RNF220: variants seen among roughly 807,000 people sequenced by gnomAD.
The protein encoded by RNF220 is E3 ubiquitin-protein ligase RNF220.
In RNF220, 7 loss-of-function variants were observed where a neutral mutation model predicts 67.1. That is an observed-to-expected ratio of 0.10 (90% CI 0.06 to 0.20). The LOEUF (loss-of-function observed/expected upper bound fraction) is 0.20. Among genes scored for constraint, RNF220 ranks in the 10% least tolerant of loss-of-function variants. The pLI, the probability that RNF220 is intolerant of heterozygous loss-of-function variation, is 1.00. For synonymous variants in RNF220, 270 were observed against 283.2 expected, an observed-to-expected ratio of 0.95 and a Z score of 0.47; for missense variants, 565 against 740.3, an observed-to-expected ratio of 0.76 and a Z score of 2.75.
chr1:44,562,210 C>T (rs763811014), intron 2 of RNF220, among the ~76,000 whole-genome samples: 10 of 152,180 alleles, frequency 6.6e-5, no homozygotes, highest in East Asian at 1.9e-4. Flanking sequence ...GAGGTCTGAA[C>T]GTAGTTTGGC....
At chr1:44,509,897 A>AAAAAAAAAAAG (rs1291793164) in intron 2 of RNF220, among the ~76,000 whole-genome samples, 1 of 149,374 alleles carries the variant, frequency 6.7e-6, no homozygotes, top group African/African-American at 2.5e-5. Context: ...AAAAAAAAAA[A>AAAAAAAAAAAG]AAAAAAAAAG....
intron 2 of RNF220, among the ~76,000 whole-genome samples, chr1:44,458,508 G>A (rs1006273471): frequency 2.6e-5 from 4 of 152,068 alleles, no homozygotes; most frequent in Middle Eastern, 6.8e-3. Flanking sequence ...GGATGAAATG[G>A]CTATTTTATA....
intron 2 of RNF220, among the ~76,000 whole-genome samples, chr1:44,557,207 A>G (rs1423399425): frequency 1.4e-5 from 2 of 147,122 alleles, no homozygotes; most frequent in Non-Finnish European, 3.0e-5. Context: ...ATATATATAT[A>G]TATAAGCTTC....
At chr1:44,484,198 G>A (rs1450650590) in intron 2 of RNF220, among the ~76,000 whole-genome samples, 2 of 152,108 alleles carry the variant, frequency 1.3e-5, no homozygotes, top group Non-Finnish European at 2.9e-5. Context: ...TTCAGGTTGA[G>A]CCGTCCCCTA....
At chr1:44,493,842 T>C (rs144194681) in intron 2 of RNF220, among the ~76,000 whole-genome samples, 1 of 152,082 alleles carries the variant, frequency 6.6e-6, no homozygotes, top group Non-Finnish European at 1.5e-5. Context: ...ATAAAATTAT[T>C]GAATTTTATG....
At chr1:44,522,664 G>A (rs1054560959) in intron 2 of RNF220, among the ~76,000 whole-genome samples, 7 of 152,078 alleles carry the variant, frequency 4.6e-5, no homozygotes, top group Non-Finnish European at 7.4e-5. Flanking sequence ...GGGGGGGCGG[G>A]GGGACCTTCT....
chr1:44,552,791 G>A (rs936896003), intron 2 of RNF220, among the ~76,000 whole-genome samples: 8 of 151,708 alleles, frequency 5.3e-5, no homozygotes, highest in East Asian at 2.0e-4. Context: ...GGATGGCCTC[G>A]ATCTCTTGAC....
chr1:44,578,720 C>G (rs752609782), intron 2 of RNF220, among the ~76,000 whole-genome samples: 2 of 152,242 alleles, frequency 1.3e-5, no homozygotes, highest in Non-Finnish European at 2.9e-5. Context: ...GACCACAGAC[C>G]CTGATAGTTT....
intron 2 of RNF220, among the ~76,000 whole-genome samples, chr1:44,494,804 C>CA (rs1390931222): frequency 1.3e-5 from 2 of 151,992 alleles, no homozygotes; most frequent in Non-Finnish European, 2.9e-5. Flanking sequence ...TATTACCTAT[C>CA]AAAAAAAGTA....
chr1:44,451,052 G>A lies in RNF220; in HGVS notation c.625+38330G>A, dbSNP rs187498922. 5.9e-5 allele frequency among the ~76,000 whole-genome samples: 9 copies of A among 151,990 alleles called. No homozygotes were observed. In the South Asian group the frequency reaches 8.3e-4, roughly 14 times the overall value. On this transcript the variant is annotated intron_variant, in intron 2 of 14. Transcript: ENST00000361799. ...CAAAAAATTAGCGGGGCGTGGTGGC[G>A]GGCACCTGTAGTCCCAGCTACTCAG...
chr1:44,433,968 T>A (rs143733781), intron 2 of RNF220, among the ~76,000 whole-genome samples: 1 of 151,882 alleles, frequency 6.6e-6, no homozygotes, highest in East Asian at 1.9e-4. Flanking sequence ...TCTTAAAAAA[T>A]AAAATAAAAT....
intron 2 of RNF220, among the ~76,000 whole-genome samples, chr1:44,589,581 T>C (rs1665967829): frequency 7.4e-6 from 1 of 135,822 alleles, no homozygotes; most frequent in Non-Finnish European, 1.5e-5. Flanking sequence ...GCCACTGCAC[T>C]CCAGCCTGGG....
At chr1:44,455,266 C>T (rs1388175818) in intron 2 of RNF220, among the ~76,000 whole-genome samples, 1 of 152,048 alleles carries the variant, frequency 6.6e-6, no homozygotes, top group Non-Finnish European at 1.5e-5. Flanking sequence ...CACCAAAATG[C>T]CTCAAGCACA....
In RNF220 at chr1:44,596,514, G is replaced by A. The variant is rs569759953; in HGVS notation, c.626-17651G>A. Among the ~76,000 whole-genome samples, 4 of 151,748 alleles carry A rather than the reference G, an allele frequency of 2.6e-5. No individual in the cohort carries two copies. The East Asian group carries it at 5.8e-4, about 22-fold the overall frequency. On this transcript the variant is annotated intron_variant, in intron 2 of 14. Coordinates refer to ENST00000361799, the MANE Select transcript of RNF220 (RefSeq NM_018150.4). ...GAGGCGGAGGTGGCAGTGAGCCCTC[G>A]TGCCATTGCACTCCAACCTGGGGGA...
At chr1:44,512,699 T>A (rs953144445) in intron 2 of RNF220, among the ~76,000 whole-genome samples, 3 of 152,160 alleles carry the variant, frequency 2.0e-5, no homozygotes, top group Non-Finnish European at 4.4e-5. Context: ...CTTGGCTAAG[T>A]GACGACGGAG....
At chr1:44,463,494 A>G (rs1653983494) in intron 2 of RNF220, among the ~76,000 whole-genome samples, 1 of 152,058 alleles carries the variant, frequency 6.6e-6, no homozygotes, top group Non-Finnish European at 1.5e-5. Flanking sequence ...TCGTTCTAAT[A>G]AATACTCACT....
At chr1:44,507,676 G>A (rs1173282733) in intron 2 of RNF220, among the ~76,000 whole-genome samples, 6 of 152,166 alleles carry the variant, frequency 3.9e-5, no homozygotes, top group East Asian at 1.9e-4. Context: ...TGGACGCAGA[G>A]GGGGGTACGG....
chr1:44,635,795 C>T, intron 7 of RNF220: 1 of 1,332,976 alleles, frequency 7.5e-7, no homozygotes, highest in South Asian at 1.5e-5. Context: ...CTTCTGACCA[C>T]TGCTCTCTCC....
At chr1:44,632,096 G>A (rs965075106) in intron 5 of RNF220, 1 of 1,416,890 alleles carries the variant, frequency 7.1e-7, no homozygotes, top group African/African-American at 1.4e-5. Context: ...CCGGAGGCCA[G>A]GGCTGGGGCG....
Sources: allele counts gnomAD v4.1 joint callset (sites outside exome capture counted in the v4.1 genomes callset), GRCh38; gene constraint gnomAD v4.1.1; transcripts MANE v1.5; gene names NCBI Gene and HGNC (gene_info 2026-07-23, HGNC 2026-07-21).